PPP1CB: variants seen among roughly 807,000 people sequenced by gnomAD.
The protein encoded by PPP1CB is serine/threonine-protein phosphatase PP1-beta catalytic subunit.
Under a neutral mutation model 43.7 loss-of-function variants are expected in PPP1CB, and 2 were observed. The ratio of observed to expected loss-of-function variants is 0.05; its 90% CI spans 0.02 to 0.14. The LOEUF (loss-of-function observed/expected upper bound fraction) is 0.14, where lower values mean the gene tolerates loss of function less well. PPP1CB is among the 10% of genes least tolerant of loss of function. PPP1CB has a pLI of 1.00. For missense variants in PPP1CB, 84 were observed against 398.0 expected (o/e 0.21, Z 6.71); for synonymous variants, 136 against 135.6 (o/e 1.00, Z -0.02).
chr2:28,762,754 A>G lies in PPP1CB; in HGVS notation c.52+10578A>G, dbSNP rs572652935. Among the ~76,000 whole-genome samples, 192 of 152,338 alleles carry G rather than the reference A, an allele frequency of 1.3e-3. 2 individuals are homozygous for G. Among genetic ancestry groups the G allele is most frequent in the African/African-American group, 4.5e-3 (186 of 41,576 alleles). ...TATAATACGCGTTGTTCATTTGGATAATATTGATTCAGCTGAGTTATGCAG... is the reference window on the plus strand; with the variant it reads ...TATAATACGCGTTGTTCATTTGGATGATATTGATTCAGCTGAGTTATGCAG... On this transcript the variant is annotated intron_variant, in intron 1 of 7. Coordinates refer to ENST00000395366, the MANE Select transcript of PPP1CB (RefSeq NM_002709.3).
rs1355613138 is a variant in PPP1CB, at chr2:28,801,893, A to T, written c.*2590A>T. 6.6e-6 allele frequency: 1 copy of T among 152,244 alleles called. No individual in the cohort carries two copies. The highest frequency in any genetic ancestry group is 1.5e-5 in the Non-Finnish European group (1 of 68,040). The allele number at this position is 152,244 out of a possible 1,614,324, so 9.4% of individuals were successfully genotyped here. On this transcript the variant is annotated 3_prime_UTR_variant, in exon 8 of 8. Coordinates refer to ENST00000395366, the MANE Select transcript of PPP1CB (RefSeq NM_002709.3). ...CTTTGCATTTGAAGCCTTAACATGCATTGCTTTAATTTTGCCCAGGGACAA... is the reference window on the plus strand; with the variant it reads ...CTTTGCATTTGAAGCCTTAACATGCTTTGCTTTAATTTTGCCCAGGGACAA...
chr2:28,756,499 T>C (rs72852879), intron 1 of PPP1CB, among the ~76,000 whole-genome samples: 1 of 152,142 alleles, frequency 6.6e-6, no homozygotes, highest in African/African-American at 2.4e-5. Flanking sequence ...GCTGACAGAC[T>C]ACACTTTTAA....
chr2:28,796,559 G>C (rs575227882), intron 7 of PPP1CB, among the ~76,000 whole-genome samples: 1 of 152,160 alleles, frequency 6.6e-6, no homozygotes, highest in Non-Finnish European at 1.5e-5. Flanking sequence ...TGCAGTTCTT[G>C]ATTTGGCTCT....
intron 1 of PPP1CB, among the ~76,000 whole-genome samples, chr2:28,758,681 C>T (rs1212538078): frequency 6.6e-6 from 1 of 152,160 alleles, no homozygotes; most frequent in East Asian, 1.9e-4. Context: ...AGGGCGGGGG[C>T]AGTTGTCCTT....
intron 1 of PPP1CB, among the ~76,000 whole-genome samples, chr2:28,764,918 CA>C (rs34681782): frequency 6.8e-5 from 10 of 147,638 alleles, no homozygotes; most frequent in East Asian, 2.0e-4. Context: ...GACCCTGTCT[CA>C]AAAAAAAAAA....
intron 1 of PPP1CB, among the ~76,000 whole-genome samples, chr2:28,769,418 T>C (rs1367011242): frequency 6.6e-6 from 1 of 152,240 alleles, no homozygotes; most frequent in Admixed American, 6.5e-5. Flanking sequence ...GTATTTTTAG[T>C]AGAGGCAGGG....
In PPP1CB at chr2:28,801,184, C is replaced by G. The variant is rs891208022; in HGVS notation, c.*1881C>G. The G allele has an allele frequency of 2.0e-5, 3 of 152,020 alleles. No individual in the cohort carries two copies. The highest frequency in any genetic ancestry group is 4.4e-5 in the Non-Finnish European group (3 of 67,940). The allele number at this position is 152,020 out of a possible 1,614,324, so 9.4% of individuals were successfully genotyped here. A position where few individuals can be genotyped will look rare whatever the true frequency, so the allele number is the denominator to read the frequency against. On this transcript the variant is annotated 3_prime_UTR_variant, in exon 8 of 8. Coordinates refer to ENST00000395366, the MANE Select transcript of PPP1CB (RefSeq NM_002709.3). ...GCATATGATGTATTAGGTTAGGTCA[C>G]AAAGGTTTTATCTGAGGTGATTTAA... is the stretch of plus-strand genomic sequence containing the variant.
At chr2:28,766,578 CCACATAGAT>C (rs1666780899) in intron 1 of PPP1CB, among the ~76,000 whole-genome samples, 2 of 152,266 alleles carry the variant, frequency 1.3e-5, no homozygotes, top group Middle Eastern at 3.4e-3. Context: ...TCTAGTTGTT[CCACATAGAT>C]TATTTATAGA....
chr2:28,775,260 A>G (rs1305826138), intron 1 of PPP1CB, among the ~76,000 whole-genome samples: 1 of 152,100 alleles, frequency 6.6e-6, no homozygotes, highest in African/African-American at 2.4e-5. Context: ...AGCATGCACC[A>G]TCATGCCCAG....
chr2:28,787,583 A>G (rs888571521), intron 5 of PPP1CB, among the ~76,000 whole-genome samples: 8 of 152,220 alleles, frequency 5.3e-5, no homozygotes, highest in Admixed American at 1.3e-4. Context: ...GTTACCCTCA[A>G]TCACCAAGAA....
chr2:28,763,148 C>T lies in PPP1CB; in HGVS notation c.52+10972C>T, dbSNP rs1016436290. Reference sequence around the variant, plus strand: ...ACAGTCACAGGAGTGCTTTCCTTTGCGACAACCATTGTACTTTGGGATGGA... The same window carrying T: ...ACAGTCACAGGAGTGCTTTCCTTTGTGACAACCATTGTACTTTGGGATGGA... On this transcript the variant is annotated intron_variant, in intron 1 of 7. Coordinates refer to ENST00000395366, the MANE Select transcript of PPP1CB (RefSeq NM_002709.3). Among the ~76,000 whole-genome samples the T allele has an allele frequency of 5.3e-5, 8 of 152,246 alleles. No individual in the cohort carries two copies. The East Asian group carries it at 9.6e-4, about 18-fold the overall frequency.
At position 28,800,881 on chromosome 2, in the gene PPP1CB, T is replaced by C. The variant is rs1026566738; in HGVS notation, c.*1578T>C. 2.6e-5 allele frequency: 4 copies of C among 152,590 alleles called. No homozygotes were observed. Among genetic ancestry groups the C allele is most frequent in the Non-Finnish European group, 5.9e-5 (4 of 67,976 alleles). The allele number at this position is 152,590 out of a possible 1,614,324, so 9.5% of individuals were successfully genotyped here. A position where few individuals can be genotyped will look rare whatever the true frequency, so the allele number is the denominator to read the frequency against. On this transcript the variant is annotated 3_prime_UTR_variant, in exon 8 of 8. Coordinates refer to ENST00000395366, the MANE Select transcript of PPP1CB (RefSeq NM_002709.3). ...GAGAAACCTGTTAACTTACATTTTA[T>C]GAATTGGCACATTGTATTACTTACT... is the stretch of plus-strand genomic sequence containing the variant.
chr2:28,751,946 C>T lies in PPP1CB; in HGVS notation c.-179C>T, dbSNP rs1038131190. On this transcript the variant is annotated 5_prime_UTR_variant, in exon 1 of 8. Transcript: ENST00000395366. ...TTCCGTGGGTGCCTCCGAGTGTGCGCGCGCTCTCGCTACCCGGCGGGGAGG... is the reference window on the plus strand; with the variant it reads ...TTCCGTGGGTGCCTCCGAGTGTGCGTGCGCTCTCGCTACCCGGCGGGGAGG... 2 of 652,780 alleles carry T rather than the reference C, an allele frequency of 3.1e-6. No homozygotes were observed. Among genetic ancestry groups the T allele is most frequent in the Non-Finnish European group, 5.4e-6 (2 of 367,440 alleles). The allele number at this position is 652,780 out of a possible 1,614,324, so 40.4% of individuals were successfully genotyped here.
chr2:28,772,572 G>T (rs1232326706), intron 1 of PPP1CB, among the ~76,000 whole-genome samples: 1 of 152,082 alleles, frequency 6.6e-6, no homozygotes, highest in Non-Finnish European at 1.5e-5. Flanking sequence ...TATGCCCATG[G>T]ATATTCATAG....
chr2:28,787,126 G>A (rs1158904375), intron 5 of PPP1CB, among the ~76,000 whole-genome samples: 3 of 152,100 alleles, frequency 2.0e-5, no homozygotes, highest in Admixed American at 2.0e-4. Flanking sequence ...TGATGTTTAT[G>A]GATTATTTAA....
chr2:28,773,226 T>A (rs1478981754), intron 1 of PPP1CB, among the ~76,000 whole-genome samples: 1 of 152,236 alleles, frequency 6.6e-6, no homozygotes, highest in Non-Finnish European at 1.5e-5. Flanking sequence ...GTAGTAAGTA[T>A]GGTAGATATT....
chr2:28,790,333 A>G (rs555218199), intron 6 of PPP1CB, among the ~76,000 whole-genome samples: 3 of 151,984 alleles, frequency 2.0e-5, no homozygotes, highest in South Asian at 2.1e-4. Flanking sequence ...GAATTATTTA[A>G]TCTTTTAATT....
At chr2:28,775,099 A>G (rs939324821) in intron 1 of PPP1CB, among the ~76,000 whole-genome samples, 1 of 151,936 alleles carries the variant, frequency 6.6e-6, no homozygotes, top group African/African-American at 2.4e-5. Context: ...TTAGCAAGAA[A>G]TATGTGGAAT....
intron 1 of PPP1CB, among the ~76,000 whole-genome samples, chr2:28,758,651 C>T (rs1666545614): frequency 6.6e-6 from 1 of 152,306 alleles, no homozygotes; most frequent in African/African-American, 2.4e-5. Context: ...TAGATGGGTA[C>T]TTGTCATACA....
Sources: gnomAD v4.1 joint callset for allele counts (sites outside exome capture counted in the v4.1 genomes callset) on GRCh38, gnomAD v4.1.1 for gene constraint, MANE v1.5 for transcripts, NCBI Gene and HGNC (gene_info 2026-07-23, HGNC 2026-07-21) for gene names.